The following CFAP210 variants were observed in gnomAD, a reference collection of about 807,000 sequenced individuals.
CFAP210 encodes the protein cilia- and flagella- associated protein 210.
At chr2:169,686,396 T>C in the CFAP210 span, among the ~76,000 whole-genome samples, 6 of 139,102 alleles carry the variant, frequency 4.3e-5, no homozygotes, top group African/African-American at 1.3e-4. Context: ...TGGGAAGTAT[T>C]GCCATCTGTC....
the CFAP210 span, chr2:169,674,861 T>C: frequency 1.3e-6 from 2 of 1,505,864 alleles, no homozygotes; most frequent in Non-Finnish European, 1.8e-6. Context: ...AAAACTCAAG[T>C]AGTACATGAA....
chr2:169,670,428 C>T, the CFAP210 span, among the ~76,000 whole-genome samples: 3 of 152,162 alleles, frequency 2.0e-5, no homozygotes, highest in Admixed American at 6.5e-5. Context: ...ACAGGGCCAG[C>T]AGCTGTGCAA....
At chr2:169,679,525 C>CA in the CFAP210 span, among the ~76,000 whole-genome samples, 1 of 151,696 alleles carries the variant, frequency 6.6e-6, no homozygotes, top group African/African-American at 2.4e-5. Flanking sequence ...AAATAAAATA[C>CA]AAAAAATTAG....
the CFAP210 span, chr2:169,649,180 A>G: frequency 2.5e-6 from 4 of 1,600,124 alleles, no homozygotes; most frequent in Middle Eastern, 1.7e-4. Context: ...AGGAGTAATT[A>G]CCATTTGCTG....
chr2:169,693,250 T>C, the CFAP210 span, among the ~76,000 whole-genome samples: 1 of 152,258 alleles, frequency 6.6e-6, no homozygotes, highest in Non-Finnish European at 1.5e-5. Context: ...GAGGCTCAGG[T>C]GGAAGCTTTT....
At chr2:169,651,886 T>C in the CFAP210 span, among the ~76,000 whole-genome samples, 2 of 151,956 alleles carry the variant, frequency 1.3e-5, no homozygotes, top group South Asian at 2.1e-4. Flanking sequence ...TTTTTTTTTT[T>C]TTTTTTTAAG....
chr2:169,656,861 G>A, the CFAP210 span, among the ~76,000 whole-genome samples: 1 of 150,786 alleles, frequency 6.6e-6, no homozygotes, highest in Admixed American at 6.6e-5. Flanking sequence ...CTACTTGGGA[G>A]GCTGAGGCAG....
the CFAP210 span, among the ~76,000 whole-genome samples, chr2:169,649,662 T>C: frequency 3.3e-5 from 5 of 152,162 alleles, no homozygotes; most frequent in Admixed American, 3.3e-4. Flanking sequence ...ACTTGGTGGC[T>C]CAACACCTGT....
the CFAP210 span, chr2:169,650,589 A>C: frequency 1.5e-6 from 2 of 1,342,668 alleles, no homozygotes; most frequent in Non-Finnish European, 9.6e-7. Flanking sequence ...ACATAATTTA[A>C]TTAGGGAATC....
chr2:169,675,016 C>T, the CFAP210 span: 2 of 1,520,834 alleles, frequency 1.3e-6, no homozygotes, highest in Non-Finnish European at 1.8e-6. Flanking sequence ...TTCTTTTTGG[C>T]TTCAAGTTTC....
At chr2:169,661,653 T>C in the CFAP210 span, among the ~76,000 whole-genome samples, 1 of 152,100 alleles carries the variant, frequency 6.6e-6, no homozygotes, top group Non-Finnish European at 1.5e-5. Flanking sequence ...CTCAAGAAAA[T>C]ATATTCATTG....
the CFAP210 span, among the ~76,000 whole-genome samples, chr2:169,677,368 G>A: frequency 6.6e-6 from 1 of 152,120 alleles, no homozygotes; most frequent in African/African-American, 2.4e-5. Flanking sequence ...TAAGACCAAT[G>A]GGGTTTTATC....
chr2:169,669,215 A>G, the CFAP210 span, among the ~76,000 whole-genome samples: 3 of 152,168 alleles, frequency 2.0e-5, no homozygotes, highest in African/African-American at 7.2e-5. Flanking sequence ...AGAAAACATG[A>G]GGCAAGCAAG....
At chr2:169,669,961 G>A in the CFAP210 span, among the ~76,000 whole-genome samples, 2 of 152,052 alleles carry the variant, frequency 1.3e-5, no homozygotes, top group African/African-American at 4.8e-5. Flanking sequence ...ACTTACATCT[G>A]TAAAATGGAT....
At chr2:169,653,029 A>AAT in the CFAP210 span, among the ~76,000 whole-genome samples, 618 of 39,880 alleles carry the variant, frequency 0.015, 12 homozygotes, top group Non-Finnish European at 0.017. Flanking sequence ...AAAAAAAAAA[A>AAT]ATATATATAT....
At chr2:169,672,814 A>G in the CFAP210 span, among the ~76,000 whole-genome samples, 1 of 152,118 alleles carries the variant, frequency 6.6e-6, no homozygotes, top group Non-Finnish European at 1.5e-5. Flanking sequence ...ACCCTCACAG[A>G]CACACCCAGA....
At chr2:169,649,703 C>T in the CFAP210 span, among the ~76,000 whole-genome samples, 2 of 151,924 alleles carry the variant, frequency 1.3e-5, no homozygotes, top group Non-Finnish European at 2.9e-5. Flanking sequence ...CCGAGGTGGG[C>T]GGATCACCTC....
chr2:169,673,155 C>T, the CFAP210 span, among the ~76,000 whole-genome samples: 5 of 152,130 alleles, frequency 3.3e-5, no homozygotes, highest in Admixed American at 6.5e-5. Flanking sequence ...AAAGAAACAA[C>T]GAAAATAAAT....
the CFAP210 span, chr2:169,681,412 G>A: frequency 2.0e-3 from 1,264 of 644,362 alleles, 8 homozygotes; most frequent in African/African-American, 0.02. Flanking sequence ...CTTGAAATCA[G>A]AAGGCATATA....
Sources: gnomAD v4.1 joint callset for allele counts (sites outside exome capture counted in the v4.1 genomes callset) on GRCh38, gnomAD v4.1.1 for gene constraint, MANE v1.5 for transcripts, NCBI Gene and HGNC (gene_info 2026-07-23, HGNC 2026-07-21) for gene names.